Variants in GRID2 observed in about 807,000 individuals in gnomAD.
The protein encoded by GRID2 is glutamate receptor ionotropic, delta-2.
Under a neutral mutation model 114.8 loss-of-function variants are expected in GRID2, and 33 were observed. The observed-to-expected ratio is 0.29, with a 90% CI of 0.22 to 0.38. GRID2 has a LOEUF of 0.38. GRID2 is among the 10% of genes least tolerant of loss of function. The pLI is 1.00. For synonymous variants in GRID2, 505 were observed against 449.9 expected (o/e 1.12, Z -1.55); for missense variants, 1,184 against 1,257.7 (o/e 0.94, Z 0.89).
intron 8 of GRID2, among the ~76,000 whole-genome samples, chr4:93,337,061 A>G (rs1172510300): frequency 1.3e-5 from 2 of 152,192 alleles, no homozygotes; most frequent in Non-Finnish European, 2.9e-5. Context: ...CTTTTCATGT[A>G]TCTCAGTATT....
At chr4:93,795,279 C>G (rs187143290) in intron 1 of GRID2, among the ~76,000 whole-genome samples, 9 of 151,724 alleles carry the variant, frequency 5.9e-5, no homozygotes, top group African/African-American at 2.2e-4. Context: ...AAAATACTTT[C>G]GGAAATCACA....
At chr4:93,625,695 T>C (rs969362994) in intron 13 of GRID2, among the ~76,000 whole-genome samples, 77 of 151,866 alleles carry the variant, frequency 5.1e-4, no homozygotes, top group Non-Finnish European at 1.0e-3. Flanking sequence ...GCGGGCGGAT[T>C]ACGAGGTCAG....
In GRID2 at chr4:92,849,654, T is replaced by C. The variant is rs144952322; in HGVS notation, c.245-235341T>C. On this transcript the variant is annotated intron_variant, in intron 2 of 15. Transcript: ENST00000282020. Reference sequence around the variant, plus strand: ...TTATAACATCTTTTCTTTTAGCTTATTAAGCAATCTTTATTATAGTCTAAA... The same window carrying C: ...TTATAACATCTTTTCTTTTAGCTTACTAAGCAATCTTTATTATAGTCTAAA... Among the ~76,000 whole-genome samples, 560 of 152,056 alleles carry C rather than the reference T, an allele frequency of 3.7e-3. 2 individuals carry two copies. Among genetic ancestry groups the C allele is most frequent in the African/African-American group, 0.013 (535 of 41,532 alleles).
rs1197054995 is a variant in GRID2 at position 93,221,351 on chromosome 4, G to T, written c.964-3263G>T. On this transcript the variant is annotated intron_variant, in intron 6 of 15. Coordinates refer to ENST00000282020, the MANE Select transcript of GRID2 (RefSeq NM_001510.4). Reference sequence around the variant, plus strand: ...AGATATCTCAAAGCAAGCCACAGATGGTGTCAAATATTGAAAGCTTGTCAT... The same window carrying T: ...AGATATCTCAAAGCAAGCCACAGATTGTGTCAAATATTGAAAGCTTGTCAT... Among the ~76,000 whole-genome samples, 3 of 152,232 alleles carry T rather than the reference G, an allele frequency of 2.0e-5. No individual in the cohort carries two copies. In the East Asian group the frequency reaches 5.8e-4, roughly 30 times the overall value.
intron 2 of GRID2, among the ~76,000 whole-genome samples, chr4:92,964,524 A>G (rs1753015079): frequency 6.6e-6 from 1 of 151,976 alleles, no homozygotes; most frequent in Admixed American, 6.6e-5. Context: ...CCTTCTACAC[A>G]TATATCCCAG....
At chr4:92,653,519 G>C (rs1732078437) in intron 2 of GRID2, among the ~76,000 whole-genome samples, 1 of 151,574 alleles carries the variant, frequency 6.6e-6, no homozygotes, top group Admixed American at 6.6e-5. Context: ...CTATTATCTT[G>C]GGCACATTTC....
chr4:93,615,087 A>T (rs998261623), intron 13 of GRID2, among the ~76,000 whole-genome samples: 1 of 152,184 alleles, frequency 6.6e-6, no homozygotes, highest in Non-Finnish European at 1.5e-5. Flanking sequence ...CAATGTGATG[A>T]CACCAAGCTA....
intron 1 of GRID2, among the ~76,000 whole-genome samples, chr4:92,552,800 A>G: frequency 6.6e-6 from 1 of 152,172 alleles, no homozygotes; most frequent in East Asian, 1.9e-4. Context: ...TGACTTGGGG[A>G]CTTAGAATAA....
intron 1 of GRID2, among the ~76,000 whole-genome samples, chr4:92,466,195 A>G (rs912159204): frequency 7.9e-5 from 12 of 151,840 alleles, no homozygotes; most frequent in Admixed American, 6.6e-5. Flanking sequence ...AGCATATCCA[A>G]CATCTCAAAC....
intron 14 of GRID2, among the ~76,000 whole-genome samples, chr4:93,645,589 C>T (rs1221496769): frequency 6.6e-6 from 1 of 152,090 alleles, no homozygotes; most frequent in African/African-American, 2.4e-5. Flanking sequence ...TGGTCACAAA[C>T]CTAATTAAAT....
At chr4:92,733,566 G>A (rs1324171997) in intron 2 of GRID2, among the ~76,000 whole-genome samples, 1 of 152,032 alleles carries the variant, frequency 6.6e-6, no homozygotes, top group East Asian at 1.9e-4. Flanking sequence ...GGTTTGCATG[G>A]GGATTCATGC....
intron 8 of GRID2, among the ~76,000 whole-genome samples, chr4:93,295,322 G>T (rs948855524): frequency 6.6e-6 from 1 of 152,158 alleles, no homozygotes; most frequent in African/African-American, 2.4e-5. Flanking sequence ...GAAGATAAAA[G>T]AGTACAGGAG....
chr4:92,491,537 C>T (rs1723148418), intron 1 of GRID2, among the ~76,000 whole-genome samples: 1 of 152,124 alleles, frequency 6.6e-6, no homozygotes, highest in Non-Finnish European at 1.5e-5. Context: ...TTACTACATT[C>T]TCTTTCCCTT....
intron 1 of GRID2, among the ~76,000 whole-genome samples, chr4:92,561,610 G>A (rs1482660103): frequency 1.3e-5 from 2 of 152,142 alleles, no homozygotes; most frequent in African/African-American, 2.4e-5. Flanking sequence ...CACATGATAG[G>A]TGTGGGATAG....
intron 1 of GRID2, among the ~76,000 whole-genome samples, chr4:92,527,467 T>C (rs942348027): frequency 6.6e-6 from 1 of 152,108 alleles, no homozygotes; most frequent in Non-Finnish European, 1.5e-5. Flanking sequence ...AAATATCTTT[T>C]AGCTCTATGT....
intron 6 of GRID2, among the ~76,000 whole-genome samples, chr4:93,221,695 G>A (rs1269851085): frequency 1.3e-5 from 2 of 152,144 alleles, no homozygotes; most frequent in Non-Finnish European, 2.9e-5. Flanking sequence ...GCAATAAAGT[G>A]TAGCATAGGA....
In GRID2 at chr4:93,015,752, A is replaced by G. The variant is rs1462186573; in HGVS notation, c.245-69243A>G. 4.6e-5 allele frequency among the ~76,000 whole-genome samples: 7 copies of G among 152,304 alleles called. No homozygotes were observed. The East Asian group carries it at 9.7e-4, about 21-fold the overall frequency. The stretch of plus-strand genomic sequence containing the variant: ...TTTAAGTACACTACATGGACGTGAC[A>G]GACTTTCAAAACAGGGAGTTTGGAA... On this transcript the variant is annotated intron_variant, in intron 2 of 15. Transcript: ENST00000282020.
intron 2 of GRID2, among the ~76,000 whole-genome samples, chr4:93,061,890 C>T (rs973672768): frequency 2.6e-5 from 4 of 152,076 alleles, no homozygotes; most frequent in Non-Finnish European, 5.9e-5. Flanking sequence ...TCGAGGAATC[C>T]GTAAATGCCA....
At chr4:93,155,004 T>G (rs1471130014) in intron 4 of GRID2, among the ~76,000 whole-genome samples, 1 of 151,924 alleles carries the variant, frequency 6.6e-6, no homozygotes, top group African/African-American at 2.4e-5. Flanking sequence ...CATCTTTGCC[T>G]GGGTTCCTAC....
Sources: gnomAD v4.1 joint callset for allele counts (sites outside exome capture counted in the v4.1 genomes callset) on GRCh38, gnomAD v4.1.1 for gene constraint, MANE v1.5 for transcripts, NCBI Gene and HGNC (gene_info 2026-07-23, HGNC 2026-07-21) for gene names.